Variants in PCDH9 observed in about 807,000 individuals in gnomAD.
The protein encoded by PCDH9 is protocadherin 9, also known as protocadherin-9.
Under a neutral mutation model 70.6 loss-of-function variants are expected in PCDH9, and 24 were observed. That is an observed-to-expected ratio of 0.34 (90% confidence interval 0.25 to 0.48). The LOEUF (loss-of-function observed/expected upper bound fraction) is 0.48. Ranked by LOEUF, PCDH9 falls within the 20% of genes least tolerant of loss-of-function variation. The pLI, the probability that PCDH9 is intolerant of heterozygous loss-of-function variation, is 0.99. For synonymous variants in PCDH9, 562 were observed against 558.5 expected (o/e 1.01, Z -0.09); for missense variants, 1,281 against 1,503.6 (o/e 0.85, Z 2.45).
chr13:66,364,484 ACT>A (rs1956521621), intron 4 of PCDH9, among the ~76,000 whole-genome samples: 1 of 152,116 alleles, frequency 6.6e-6, no homozygotes, highest in South Asian at 2.1e-4. Flanking sequence ...CACTTGAGCA[ACT>A]CTCTGAATCA....
At chr13:66,700,923 A>AATATATATATATATAT (rs58852431) in intron 3 of PCDH9, among the ~76,000 whole-genome samples, 4 of 58,448 alleles carry the variant, frequency 6.8e-5, no homozygotes, top group East Asian at 6.0e-4. Flanking sequence ...TGTACATATA[A>AATATATATATATATAT]ATATATATAT....
At chr13:66,759,724 T>C (rs1334079243) in intron 3 of PCDH9, among the ~76,000 whole-genome samples, 1 of 152,180 alleles carries the variant, frequency 6.6e-6, no homozygotes, top group East Asian at 1.9e-4. Flanking sequence ...AAAAACATTT[T>C]ATAATTTTAC....
intron 2 of PCDH9, among the ~76,000 whole-genome samples, chr13:67,038,816 G>A (rs1191780069): frequency 6.6e-6 from 1 of 152,108 alleles, no homozygotes; most frequent in African/African-American, 2.4e-5. Context: ...TCTTTGCCCT[G>A]GTTCCCGACA....
At position 66,472,148 on chromosome 13, in the gene PCDH9, G is replaced by T. The variant is rs544187518; in HGVS notation, c.3340+159062C>A. 7.4e-5 allele frequency among the ~76,000 whole-genome samples: 11 copies of T among 147,774 alleles called. 1 individual carries two copies. In the Admixed American group the frequency reaches 7.5e-4, roughly 10 times the overall value. ...AATCGCTTGAACCTGGCAGGCAGAG[G>T]TTACAGTGAGCCGATATCGTGCCAC... is the stretch of plus-strand genomic sequence containing the variant. On this transcript the variant is annotated intron_variant, in intron 4 of 4. Transcript: ENST00000377865.
intron 3 of PCDH9, among the ~76,000 whole-genome samples, chr13:66,702,631 G>A (rs1487418334): frequency 6.6e-6 from 1 of 152,144 alleles, no homozygotes; most frequent in Non-Finnish European, 1.5e-5. Flanking sequence ...AGGTCACGGA[G>A]AAGTTAATTA....
chr13:66,687,860 A>T (rs891143721), intron 3 of PCDH9, among the ~76,000 whole-genome samples: 1 of 152,060 alleles, frequency 6.6e-6, no homozygotes, highest in Non-Finnish European at 1.5e-5. Context: ...AGAGATCTTG[A>T]TGTTCCTGTT....
intron 2 of PCDH9, among the ~76,000 whole-genome samples, chr13:67,138,592 G>A (rs896235514): frequency 6.6e-6 from 1 of 152,150 alleles, no homozygotes; most frequent in African/African-American, 2.4e-5. Context: ...CGTACCCCGA[G>A]TCACCAATGG....
intron 3 of PCDH9, among the ~76,000 whole-genome samples, chr13:66,738,758 T>C (rs1263829072): frequency 6.6e-6 from 1 of 151,030 alleles, no homozygotes; most frequent in African/African-American, 2.4e-5. Flanking sequence ...GAAGACGAAA[T>C]GAATGAAATG....
At chr13:67,127,949 G>T (rs2138319654) in intron 2 of PCDH9, among the ~76,000 whole-genome samples, 1 of 152,128 alleles carries the variant, frequency 6.6e-6, no homozygotes, top group South Asian at 2.1e-4. Context: ...TAGATGTTTT[G>T]AGATCTCTTT....
At chr13:66,779,354 T>C (rs1273019757) in intron 3 of PCDH9, among the ~76,000 whole-genome samples, 2 of 152,172 alleles carry the variant, frequency 1.3e-5, no homozygotes, top group East Asian at 3.9e-4. Flanking sequence ...GAGAGATGAA[T>C]ACATAAAATA....
At chr13:66,627,448 TATGA>T (rs2077513711) in intron 4 of PCDH9, among the ~76,000 whole-genome samples, 1 of 152,194 alleles carries the variant, frequency 6.6e-6, no homozygotes, top group Admixed American at 6.5e-5. Flanking sequence ...TCTATCCTAA[TATGA>T]ATGAACATTC....
intron 2 of PCDH9, among the ~76,000 whole-genome samples, chr13:67,108,968 T>A (rs184117674): frequency 6.6e-6 from 1 of 152,310 alleles, no homozygotes. Flanking sequence ...CCATGTCAGA[T>A]TCAGTCAATT....
intron 2 of PCDH9, among the ~76,000 whole-genome samples, chr13:67,107,451 A>T (rs1338532144): frequency 6.6e-6 from 1 of 152,186 alleles, no homozygotes; most frequent in African/African-American, 2.4e-5. Context: ...ACCTCCCAGC[A>T]GATAGAAACT....
In PCDH9 at chr13:67,225,813, A is replaced by G. The variant is rs941882752; in HGVS notation, c.2628T>C (p.Ser876=). Residue 876 remains serine (S), a synonymous_variant, in exon 2 of 5, where the codon TCT becomes TCC. Coordinates refer to ENST00000377865, the MANE Select transcript of PCDH9 (RefSeq NM_203487.3). ...NKKKKRKKRK[S]PKSSLLNFVT... ...CAAAGTTCAAAAGAGAGCTTTTGGG[A>G]GACTTCCTTTTCTTTCTTTTCTTTT... The G allele has an allele frequency of 5.0e-6, 8 of 1,613,912 alleles. No individual in the cohort carries two copies. Among genetic ancestry groups the G allele is most frequent in the Non-Finnish European group, 5.9e-6 (7 of 1,179,962 alleles).
rs114146888 is a variant in PCDH9 at position 66,381,513 on chromosome 13, C to T, written c.3341-76485G>A. ...TAGTACTAAAAATAAACAATATTGG[C>T]TTTTTGTAAATTAAAACAGCGTTCT... On this transcript the variant is annotated intron_variant, in intron 4 of 4. Coordinates refer to ENST00000377865, the MANE Select transcript of PCDH9 (RefSeq NM_203487.3). Among the ~76,000 whole-genome samples the T allele has an allele frequency of 6.7e-3, 1,016 of 152,192 alleles. 15 individuals carry two copies. The highest frequency in any genetic ancestry group is 0.023 in the African/African-American group (953 of 41,510).
At chr13:66,314,197 G>T (rs17081108) in intron 4 of PCDH9, among the ~76,000 whole-genome samples, 1 of 152,160 alleles carries the variant, frequency 6.6e-6, no homozygotes, top group Non-Finnish European at 1.5e-5. Context: ...ACTTTGAAAC[G>T]CAAGACATTT....
At chr13:66,554,550 T>C (rs909069383) in intron 4 of PCDH9, among the ~76,000 whole-genome samples, 2 of 152,126 alleles carry the variant, frequency 1.3e-5, no homozygotes, top group Non-Finnish European at 2.9e-5. Flanking sequence ...AGTAAACTAA[T>C]AATTATATGT....
At chr13:66,481,452 A>T (rs1402610853) in intron 4 of PCDH9, among the ~76,000 whole-genome samples, 2 of 152,216 alleles carry the variant, frequency 1.3e-5, no homozygotes, top group African/African-American at 2.4e-5. Flanking sequence ...AACATTTTCT[A>T]GCTATAAAGT....
chr13:66,886,511 G>A (rs1481855206), intron 3 of PCDH9, among the ~76,000 whole-genome samples: 2 of 152,092 alleles, frequency 1.3e-5, no homozygotes, highest in African/African-American at 4.8e-5. Context: ...CAGAGGCCAC[G>A]AAAGCTGCCA....
Sources: gnomAD v4.1 joint callset for allele counts (sites outside exome capture counted in the v4.1 genomes callset) on GRCh38, gnomAD v4.1.1 for gene constraint, MANE v1.5 for transcripts, NCBI Gene and HGNC (gene_info 2026-07-23, HGNC 2026-07-21) for gene names.